SHISA9: variants seen among roughly 807,000 people sequenced by gnomAD.
The protein encoded by SHISA9 is shisa family member 9.
SHISA9 carries 13 observed loss-of-function variants against 38.0 expected under a neutral mutation model. That is an observed-to-expected ratio of 0.34 (90% CI 0.22 to 0.54). SHISA9 has a LOEUF of 0.54. Among genes scored for constraint, SHISA9 ranks in the 20% least tolerant of loss-of-function variants. The pLI is 0.91. For synonymous variants in SHISA9, 275 were observed against 242.0 expected, an observed-to-expected ratio of 1.14 and a Z score of -1.27; for missense variants, 538 against 575.8, an observed-to-expected ratio of 0.93 and a Z score of 0.67.
At chr16:13,053,588 C>T (rs1000163743) in intron 2 of SHISA9, among the ~76,000 whole-genome samples, 5 of 151,026 alleles carry the variant, frequency 3.3e-5, no homozygotes, top group African/African-American at 1.2e-4. Flanking sequence ...CATCACCTAC[C>T]ACCTCTCTCT....
intron 2 of SHISA9, among the ~76,000 whole-genome samples, chr16:13,111,359 A>C (rs200145588): frequency 4.9e-5 from 7 of 141,998 alleles, no homozygotes; most frequent in African/African-American, 1.0e-4. Context: ...AAAAAAAAAA[A>C]CCCAAAAACA....
Position 13,176,918 on chromosome 16 carries a change from A to G in SHISA9, c.692-26476A>G, listed in dbSNP as rs74012299. On this transcript the variant is annotated intron_variant, in intron 2 of 4. Transcript: ENST00000558583. Reference sequence around the variant, plus strand: ...CCATGATGCTGAGTCGCTGTTATTCATCTGAGTGGTTACTCGGAGGCTGGG... The same window carrying G: ...CCATGATGCTGAGTCGCTGTTATTCGTCTGAGTGGTTACTCGGAGGCTGGG... Among the ~76,000 whole-genome samples the G allele has an allele frequency of 1.3e-3, 192 of 152,230 alleles. 1 individual carries two copies. Among genetic ancestry groups the G allele is most frequent in the African/African-American group, 4.5e-3 (186 of 41,554 alleles).
In SHISA9 at chr16:13,037,750, G is replaced by A. The variant is rs189533635; in HGVS notation, c.691+120935G>A. Reference sequence around the variant, plus strand: ...TTTTTCAGTATTTTGACCTTAGAACGTTATAGACATGTATATCTGATTCAT... The same window carrying A: ...TTTTTCAGTATTTTGACCTTAGAACATTATAGACATGTATATCTGATTCAT... On this transcript the variant is annotated intron_variant, in intron 2 of 4. Transcript: ENST00000558583. Among the ~76,000 whole-genome samples, 9 of 152,176 alleles carry A rather than the reference G, an allele frequency of 5.9e-5. No individual in the cohort carries two copies. The East Asian group carries it at 7.7e-4, about 13-fold the overall frequency.
chr16:13,357,891 C>T, the SHISA9 span, among the ~76,000 whole-genome samples: 1 of 152,084 alleles, frequency 6.6e-6, no homozygotes, highest in African/African-American at 2.4e-5. Flanking sequence ...TCAGTTAAGG[C>T]AATGACCGGC....
intron 2 of SHISA9, among the ~76,000 whole-genome samples, chr16:13,053,865 G>A (rs1175209198): frequency 2.0e-5 from 3 of 152,088 alleles, no homozygotes; most frequent in Non-Finnish European, 4.4e-5. Flanking sequence ...GAACTATTTG[G>A]CTCTAAAGAT....
At chr16:13,558,401 A>C in the SHISA9 span, among the ~76,000 whole-genome samples, 1 of 152,210 alleles carries the variant, frequency 6.6e-6, no homozygotes, top group Non-Finnish European at 1.5e-5. Flanking sequence ...TATTTTCAGT[A>C]AAGTCACCAC....
chr16:13,497,246 CAAAT>C, the SHISA9 span, among the ~76,000 whole-genome samples: 5 of 151,906 alleles, frequency 3.3e-5, no homozygotes, highest in African/African-American at 4.8e-5. Flanking sequence ...ATCTGTCTAA[CAAAT>C]AATTGTATAT....
the SHISA9 span, among the ~76,000 whole-genome samples, chr16:13,505,690 A>G: frequency 6.6e-6 from 1 of 152,232 alleles, no homozygotes; most frequent in Non-Finnish European, 1.5e-5. Flanking sequence ...GAAAGGGCAG[A>G]GATTCAGAAA....
At chr16:12,942,547 C>G in intron 2 of SHISA9, among the ~76,000 whole-genome samples, 1 of 152,234 alleles carries the variant, frequency 6.6e-6, no homozygotes, top group African/African-American at 2.4e-5. Flanking sequence ...TTAATGAAGA[C>G]AGCATCCTCC....
At chr16:12,931,747 C>T (rs865837106) in intron 2 of SHISA9, among the ~76,000 whole-genome samples, 1 of 152,168 alleles carries the variant, frequency 6.6e-6, no homozygotes. Context: ...CTGTGATGAA[C>T]ATACAGGTGG....
intron 2 of SHISA9, among the ~76,000 whole-genome samples, chr16:13,081,768 CT>C (rs1486855616): frequency 6.6e-6 from 1 of 151,122 alleles, no homozygotes; most frequent in Non-Finnish European, 1.5e-5. Context: ...CAGAGAACTG[CT>C]TGAACCCGGG....
intron 2 of SHISA9, among the ~76,000 whole-genome samples, chr16:13,019,231 C>A (rs183354034): frequency 6.6e-6 from 1 of 152,254 alleles, no homozygotes; most frequent in Non-Finnish European, 1.5e-5. Context: ...AACTCCTGGC[C>A]TCAAGTGATC....
intron 2 of SHISA9, among the ~76,000 whole-genome samples, chr16:12,995,512 G>A (rs1334360831): frequency 2.0e-5 from 3 of 152,158 alleles, no homozygotes; most frequent in African/African-American, 2.4e-5. Context: ...ACCACACTTT[G>A]AGAGACATGG....
chr16:13,109,955 A>G (rs9940022), intron 2 of SHISA9, among the ~76,000 whole-genome samples: 10,905 of 152,234 alleles, frequency 0.072, 550 homozygotes, highest in Admixed American at 0.15. Context: ...TAATGCTGCT[A>G]TGAATACTCA....
At chr16:13,305,997 A>T in the SHISA9 span, among the ~76,000 whole-genome samples, 1 of 152,232 alleles carries the variant, frequency 6.6e-6, no homozygotes, top group Non-Finnish European at 1.5e-5. Flanking sequence ...GGCTAGTAGG[A>T]TGGAAAGATA....
the SHISA9 span, among the ~76,000 whole-genome samples, chr16:13,358,189 G>A: frequency 2.0e-5 from 3 of 152,082 alleles, no homozygotes; most frequent in African/African-American, 7.2e-5. Context: ...TGACTATCTG[G>A]GATACTGGGG....
the SHISA9 span, among the ~76,000 whole-genome samples, chr16:13,558,192 C>G: frequency 6.6e-6 from 1 of 152,208 alleles, no homozygotes; most frequent in African/African-American, 2.4e-5. Context: ...TAATCACTAT[C>G]TCTCTCTGGG....
chr16:13,114,914 C>CCATT, intron 2 of SHISA9, among the ~76,000 whole-genome samples: 1 of 151,904 alleles, frequency 6.6e-6, no homozygotes, highest in African/African-American at 2.4e-5. Flanking sequence ...ATCCATCCAT[C>CCATT]CATCCATCCA....
the SHISA9 span, among the ~76,000 whole-genome samples, chr16:13,417,318 A>C: frequency 1.4e-3 from 209 of 152,310 alleles, no homozygotes; most frequent in African/African-American, 4.8e-3. Flanking sequence ...GGCACTTGAT[A>C]GTGAAAATGG....
Sources: allele counts gnomAD v4.1 joint callset (sites outside exome capture counted in the v4.1 genomes callset), GRCh38; gene constraint gnomAD v4.1.1; transcripts MANE v1.5; gene names NCBI Gene and HGNC (gene_info 2026-07-23, HGNC 2026-07-21).